FTCDNL1: variants seen among roughly 807,000 people sequenced by gnomAD.
FTCDNL1 encodes formiminotransferase cyclodeaminase N-terminal like, also known as formiminotransferase N-terminal subdomain-containing protein.
In FTCDNL1, 11 loss-of-function variants were observed where a neutral mutation model predicts 5.9. The ratio of observed to expected loss-of-function variants is 1.87; its 90% CI spans 1.18 to 3.10. The LOEUF is 3.10. FTCDNL1 is among the 30% of genes most tolerant of loss of function. FTCDNL1 has a pLI of 0.00. For missense variants in FTCDNL1, 115 were observed against 65.5 expected (o/e 1.76, Z -2.61); for synonymous variants, 58 against 24.8 (o/e 2.34, Z -3.99).
chr2:199,683,273 A>G, the FTCDNL1 span, among the ~76,000 whole-genome samples: 1 of 152,176 alleles, frequency 6.6e-6, no homozygotes, highest in East Asian at 1.9e-4. Context: ...CGGAGTTTGT[A>G]TTTGAATGAA....
chr2:199,705,879 G>C, the FTCDNL1 span, among the ~76,000 whole-genome samples: 1 of 152,330 alleles, frequency 6.6e-6, no homozygotes, highest in Admixed American at 6.5e-5. Context: ...ATCTGTTGCA[G>C]GTTGGACAGC....
rs114449763 is a variant in FTCDNL1 at position 199,816,936 on chromosome 2, A to G, written c.397+2636T>C. On this transcript the variant is annotated intron_variant, in intron 4 of 4. Coordinates refer to ENST00000420128, the MANE Select transcript of FTCDNL1 (RefSeq NM_001363886.2). ...TACAATGTAAGTTCTTTGAGGACAG[A>G]TAAGTTCTATTTTGCCCGCTGGTGA... Among the ~76,000 whole-genome samples, 471 of 152,338 alleles carry G rather than the reference A, an allele frequency of 3.1e-3. 2 individuals carry two copies. Among genetic ancestry groups the G allele is most frequent in the African/African-American group, 0.011 (448 of 41,576 alleles).
At chr2:199,706,689 T>C in the FTCDNL1 span, among the ~76,000 whole-genome samples, 2 of 152,178 alleles carry the variant, frequency 1.3e-5, no homozygotes, top group Non-Finnish European at 2.9e-5. Context: ...ATTATCACTT[T>C]GGGCCATGTC....
chr2:199,768,069 A>G (rs575093348), intron 3 of FTCDNL1, among the ~76,000 whole-genome samples: 2 of 152,366 alleles, frequency 1.3e-5, no homozygotes, highest in African/African-American at 4.8e-5. Context: ...GTAGAGTACA[A>G]TACAGACAGT....
intron 3 of FTCDNL1, among the ~76,000 whole-genome samples, chr2:199,785,138 G>C (rs1699568557): frequency 6.6e-6 from 1 of 151,504 alleles, no homozygotes; most frequent in African/African-American, 2.4e-5. Flanking sequence ...TTGACTGTTT[G>C]GTTAGACATA....
the FTCDNL1 span, among the ~76,000 whole-genome samples, chr2:199,718,652 T>C: frequency 6.6e-6 from 1 of 152,214 alleles, no homozygotes; most frequent in African/African-American, 2.4e-5. Context: ...GTTATACTTA[T>C]TTACAATCCC....
the FTCDNL1 span, among the ~76,000 whole-genome samples, chr2:199,753,512 A>T: frequency 1.3e-5 from 2 of 152,226 alleles, no homozygotes; most frequent in South Asian, 2.1e-4. Flanking sequence ...ATTTATATAT[A>T]TTTTTAATTA....
chr2:199,803,976 G>C (rs1308553541), intron 3 of FTCDNL1, among the ~76,000 whole-genome samples: 1 of 152,122 alleles, frequency 6.6e-6, no homozygotes, highest in Non-Finnish European at 1.5e-5. Context: ...GATGCCAAAA[G>C]GGTTCACTCA....
the FTCDNL1 span, among the ~76,000 whole-genome samples, chr2:199,666,712 C>T: frequency 3.9e-5 from 6 of 151,902 alleles, no homozygotes; most frequent in Non-Finnish European, 7.4e-5. Context: ...GTCAGGAGTT[C>T]GAGACCAGCC....
In FTCDNL1 at chr2:199,785,249, C is replaced by CT. The variant is rs61047289; in HGVS notation, c.212-24415dup. On this transcript the variant is annotated intron_variant, in intron 3 of 3. Transcript: ENST00000416668. ...AGGGTCTCTAAACTCTTCCAAATTCCTTTTTTTTTTTTTTTTGAGACAGAA... is the reference window on the plus strand; with the variant it reads ...AGGGTCTCTAAACTCTTCCAAATTCCTTTTTTTTTTTTTTTTTGAGACAGAA... Among the ~76,000 whole-genome samples the CT allele has an allele frequency of 1.3e-4, 10 of 76,866 alleles. 1 individual carries two copies. The highest frequency in any genetic ancestry group is 3.4e-4 in the African/African-American group (6 of 17,644). The allele number at this position is 76,866 out of a possible 152,430, so 50.4% of individuals were successfully genotyped here.
chr2:199,770,392 G>A lies in FTCDNL1; in HGVS notation c.212-9557C>T, dbSNP rs115292998. On this transcript the variant is annotated intron_variant, in intron 3 of 3. Coordinates refer to the FTCDNL1 transcript ENST00000416668. The stretch of plus-strand genomic sequence containing the variant: ...GAGAGATGACCTAAAGTCCAACATC[G>A]CATAGTCAGTGAGTGGCACATCTGG... 4.2e-3 allele frequency among the ~76,000 whole-genome samples: 638 copies of A among 152,266 alleles called. 6 individuals carry two copies. Among genetic ancestry groups the A allele is most frequent in the African/African-American group, 0.013 (544 of 41,550 alleles).
chr2:199,729,325 C>T, the FTCDNL1 span, among the ~76,000 whole-genome samples: 9 of 152,130 alleles, frequency 5.9e-5, no homozygotes, highest in African/African-American at 2.2e-4. Context: ...CACTCCTATC[C>T]AACACAGTAT....
chr2:199,685,472 T>C, the FTCDNL1 span, among the ~76,000 whole-genome samples: 3 of 152,148 alleles, frequency 2.0e-5, no homozygotes, highest in Non-Finnish European at 4.4e-5. Context: ...ACTGCACAGT[T>C]TTGTTTTTGT....
chr2:199,712,571 G>A, the FTCDNL1 span, among the ~76,000 whole-genome samples: 8 of 152,268 alleles, frequency 5.3e-5, no homozygotes, highest in South Asian at 1.7e-3. Flanking sequence ...CCATAACAAA[G>A]TACCATAAAC....
chr2:199,733,400 A>G, the FTCDNL1 span, among the ~76,000 whole-genome samples: 3 of 152,248 alleles, frequency 2.0e-5, no homozygotes, highest in Admixed American at 6.5e-5. Context: ...CCAGAAGAGT[A>G]GAAATAGGAA....
the FTCDNL1 span, among the ~76,000 whole-genome samples, chr2:199,731,712 C>A: frequency 6.6e-6 from 1 of 152,174 alleles, no homozygotes; most frequent in African/African-American, 2.4e-5. Flanking sequence ...AACGGTGAAA[C>A]CCCGTCTCTA....
chr2:199,816,768 CG>C (rs1283634512), intron 4 of FTCDNL1, among the ~76,000 whole-genome samples: 2 of 152,138 alleles, frequency 1.3e-5, no homozygotes, highest in Non-Finnish European at 2.9e-5. Context: ...AATCACAATA[CG>C]GCCCCATTCT....
the FTCDNL1 span, among the ~76,000 whole-genome samples, chr2:199,675,286 G>A: frequency 1.3e-5 from 2 of 151,964 alleles, no homozygotes; most frequent in Admixed American, 1.3e-4. Context: ...TTAACTATAA[G>A]TAATCACTAT....
chr2:199,772,269 A>C (rs1368784410), intron 3 of FTCDNL1, among the ~76,000 whole-genome samples: 1 of 152,176 alleles, frequency 6.6e-6, no homozygotes, highest in African/African-American at 2.4e-5. Flanking sequence ...AAAGCTTATA[A>C]ATTGTTTATC....
Sources: gnomAD v4.1 joint callset for allele counts (sites outside exome capture counted in the v4.1 genomes callset) on GRCh38, gnomAD v4.1.1 for gene constraint, MANE v1.5 for transcripts, NCBI Gene and HGNC (gene_info 2026-07-23, HGNC 2026-07-21) for gene names.